RGS21: variants seen among roughly 807,000 people sequenced by gnomAD.
The protein encoded by RGS21 is regulator of G protein signaling 21.
RGS21 carries 19 observed loss-of-function variants against 18.7 expected under a neutral mutation model. The observed-to-expected ratio is 1.01, with a 90% CI of 0.71 to 1.49. RGS21 has a LOEUF of 1.49. Among genes scored for constraint, RGS21 ranks in the 40% most tolerant of loss-of-function variants. RGS21 has a pLI of 0.00. For missense variants in RGS21, 194 were observed against 176.8 expected, an observed-to-expected ratio of 1.10 and a Z score of -0.55; for synonymous variants, 56 against 57.8, an observed-to-expected ratio of 0.97 and a Z score of 0.14.
At chr1:192,321,311 T>C (rs1241189882) in intron 1 of RGS21, among the ~76,000 whole-genome samples, 2 of 151,928 alleles carry the variant, frequency 1.3e-5, no homozygotes, top group African/African-American at 2.4e-5. Flanking sequence ...AAACCACCAA[T>C]TTAATTACTT....
At chr1:192,324,191 T>C (rs1291878020) in intron 1 of RGS21, among the ~76,000 whole-genome samples, 1 of 152,040 alleles carries the variant, frequency 6.6e-6, no homozygotes, top group Non-Finnish European at 1.5e-5. Context: ...AAAGGATCAA[T>C]GGGTCTTTTT....
chr1:192,355,585 A>T (rs1298210836), intron 4 of RGS21, among the ~76,000 whole-genome samples: 1 of 151,604 alleles, frequency 6.6e-6, no homozygotes, highest in Non-Finnish European at 1.5e-5. Flanking sequence ...ACTTGAAAAT[A>T]AGAAAATTAT....
rs561609019 is a variant in RGS21, at chr1:192,319,481, A to G, written c.-61+2376A>G. 4.4e-4 allele frequency among the ~76,000 whole-genome samples: 67 copies of G among 152,260 alleles called. 1 individual carries two copies. The highest frequency in any genetic ancestry group is 1.4e-3 in the African/African-American group (60 of 41,568). On this transcript the variant is annotated intron_variant, in intron 1 of 4. Transcript: ENST00000417209. ...GAAAGAATTTTACATGCTCTTTGCT[A>G]AGGCTATGTATGCAATTTTCCAAAA...
Position 192,352,065 on chromosome 1 carries a change from G to C in RGS21, c.107G>C (p.Arg36Pro). 1 of 1,596,338 alleles carries C rather than the reference G, an allele frequency of 6.3e-7. No homozygotes were observed. The highest frequency in any genetic ancestry group is 8.5e-7 in the Non-Finnish European group (1 of 1,172,882). The change falls in exon 4 of 5, where the codon CGA becomes CCA. Residue 36 changes from arginine (R) to proline (P), a missense_variant. Arg to Pro is a moderately radical substitution (Grantham distance 103). Coordinates refer to ENST00000417209, the MANE Select transcript of RGS21 (RefSeq NM_001039152.3). Reference protein sequence around the residue: ...LANQAGLDAFRIFLKSEFSEE... With the variant: ...LANQAGLDAFPIFLKSEFSEE... Reference sequence around the variant, plus strand: ...TTTATAGCTGGTCTAGATGCTTTTCGAATATTTCTAAAATCAGAGTTTAGT... The same window carrying C: ...TTTATAGCTGGTCTAGATGCTTTTCCAATATTTCTAAAATCAGAGTTTAGT...
Position 192,319,151 on chromosome 1 carries a change from A to C in RGS21, c.-61+2046A>C, listed in dbSNP as rs539821026. 2.8e-3 allele frequency among the ~76,000 whole-genome samples: 433 copies of C among 152,226 alleles called. 2 individuals are homozygous for C. The highest frequency in any genetic ancestry group is 0.01 in the African/African-American group (416 of 41,558). On this transcript the variant is annotated intron_variant, in intron 1 of 4. Transcript: ENST00000417209. ...GTAATCCTAGCTACTTGGGAGGCTG[A>C]GGAGGGAAGTGTCACTTGAGTTCAG...
intron 1 of RGS21, among the ~76,000 whole-genome samples, chr1:192,321,646 T>G (rs1658499359): frequency 6.6e-6 from 1 of 152,040 alleles, no homozygotes; most frequent in Admixed American, 6.6e-5. Flanking sequence ...CTTATATTAA[T>G]CATTTGTATA....
At chr1:192,330,011 T>C (rs1658622507) in intron 1 of RGS21, among the ~76,000 whole-genome samples, 1 of 152,174 alleles carries the variant, frequency 6.6e-6, no homozygotes, top group South Asian at 2.1e-4. Flanking sequence ...TTTATATTTC[T>C]ACGTCCAACA....
intron 1 of RGS21, among the ~76,000 whole-genome samples, chr1:192,320,568 G>T (rs968326596): frequency 6.6e-6 from 1 of 152,026 alleles, no homozygotes; most frequent in Admixed American, 6.6e-5. Context: ...GTATGTGTAT[G>T]TGTGAGGATG....
chr1:192,359,126 A>G (rs1659148687), intron 4 of RGS21, among the ~76,000 whole-genome samples: 1 of 152,114 alleles, frequency 6.6e-6, no homozygotes, highest in African/African-American at 2.4e-5. Flanking sequence ...TCAGAAATCT[A>G]AGATAATTTA....
Position 192,326,869 on chromosome 1 carries a change from T to G in RGS21, c.-61+9764T>G, listed in dbSNP as rs138738675. On this transcript the variant is annotated intron_variant, in intron 1 of 4. Transcript: ENST00000417209. ...GGTGAAGAATGCCAATAAATTAATG[T>G]ACAGATCTGCATAATTCTAATATTA... 3.2e-3 allele frequency among the ~76,000 whole-genome samples: 480 copies of G among 152,274 alleles called. 4 individuals carry two copies. The highest frequency in any genetic ancestry group is 0.011 in the African/African-American group (448 of 41,572).
chr1:192,342,835 T>C (rs1000651524), intron 1 of RGS21, 142 bp from the exon 2 acceptor site: 2 of 524,454 alleles, frequency 3.8e-6, no homozygotes, highest in African/African-American at 3.8e-5. Flanking sequence ...TACTTAGAAG[T>C]TTAAGTGTTT....
chr1:192,340,098 T>A (rs993850894), intron 1 of RGS21, among the ~76,000 whole-genome samples: 3 of 152,090 alleles, frequency 2.0e-5, no homozygotes, highest in Non-Finnish European at 4.4e-5. Context: ...TACTGTCTGA[T>A]TAAAGTTTTA....
chr1:192,343,612 G>T (rs1480123168), intron 2 of RGS21, among the ~76,000 whole-genome samples: 1 of 152,026 alleles, frequency 6.6e-6, no homozygotes, highest in African/African-American at 2.4e-5. Context: ...CTCTTCTCTG[G>T]ACATATAATA....
At chr1:192,360,579 A>G (rs1402615822) in intron 4 of RGS21, among the ~76,000 whole-genome samples, 1 of 152,088 alleles carries the variant, frequency 6.6e-6, no homozygotes, top group Non-Finnish European at 1.5e-5. Context: ...GCCAGCTATT[A>G]CACCACATGG....
In RGS21 at chr1:192,366,688, C is replaced by T. The variant is rs1344228354; in HGVS notation, c.*564C>T. The stretch of plus-strand genomic sequence containing the variant: ...CATTTATATGTATGTCTTGAATGCA[C>T]CATGGACCAAAGTTTTTCAAAATAT... On this transcript the variant is annotated 3_prime_UTR_variant, in exon 5 of 5. Transcript: ENST00000417209. 6.6e-6 allele frequency: 1 copy of T among 151,866 alleles called. No homozygotes were observed. Among genetic ancestry groups the T allele is most frequent in the Non-Finnish European group, 1.5e-5 (1 of 67,962 alleles). The allele number at this position is 151,866 out of a possible 1,614,324, so 9.4% of individuals were successfully genotyped here.
chr1:192,319,142 G>C (rs894461628), intron 1 of RGS21, among the ~76,000 whole-genome samples: 3 of 152,070 alleles, frequency 2.0e-5, no homozygotes, highest in Non-Finnish European at 4.4e-5. Flanking sequence ...CTAGCTACTT[G>C]GGAGGCTGAG....
At chr1:192,320,531 T>G (rs1658481639) in intron 1 of RGS21, among the ~76,000 whole-genome samples, 1 of 149,276 alleles carries the variant, frequency 6.7e-6, no homozygotes, top group Non-Finnish European at 1.5e-5. Context: ...TGTATATGTA[T>G]GTGTATGTGT....
At chr1:192,340,010 T>G (rs1658833580) in intron 1 of RGS21, among the ~76,000 whole-genome samples, 1 of 152,136 alleles carries the variant, frequency 6.6e-6, no homozygotes, top group Admixed American at 6.6e-5. Context: ...GATCTTTAAC[T>G]TTCCCATCTG....
intron 3 of RGS21, 45 bp from the exon 4 acceptor site, chr1:192,352,002 A>T: frequency 8.3e-7 from 1 of 1,201,590 alleles, no homozygotes. Flanking sequence ...TCATATTACT[A>T]CTCTGTATGC....
Sources: allele counts gnomAD v4.1 joint callset (sites outside exome capture counted in the v4.1 genomes callset), GRCh38; gene constraint gnomAD v4.1.1; transcripts MANE v1.5; gene names NCBI Gene and HGNC (gene_info 2026-07-23, HGNC 2026-07-21).